RMDN1: variants seen among roughly 807,000 people sequenced by gnomAD.
RMDN1 encodes the protein regulator of microtubule dynamics 1, also known as regulator of microtubule dynamics protein 1.
In RMDN1, 48 loss-of-function variants were observed where a neutral mutation model predicts 48.9. The observed-to-expected ratio is 0.98, with a 90% CI of 0.78 to 1.25. The LOEUF is 1.25. Among genes scored for constraint, RMDN1 ranks in the 50% most tolerant of loss-of-function variants. RMDN1 has a pLI of 0.00. For missense variants in RMDN1, 418 were observed against 373.4 expected, an observed-to-expected ratio of 1.12 and a Z score of -0.98; for synonymous variants, 148 against 132.6, an observed-to-expected ratio of 1.12 and a Z score of -0.80.
At chr8:86,474,467 G>C (rs1813025046) in intron 9 of RMDN1, 109 bp from the exon 10 acceptor site, 1 of 877,424 alleles carries the variant, frequency 1.1e-6, no homozygotes. Context: ...AACCAGATAG[G>C]ACATTATAAC....
downstream of RMDN1, chr8:86,472,206 A>G: frequency 1.7e-6 from 1 of 584,482 alleles, no homozygotes; most frequent in Non-Finnish European, 3.0e-6. Flanking sequence ...ACACACATGT[A>G]TAAATACAGG....
chr8:86,469,911 C>T (rs1162116920), downstream of RMDN1, among the ~76,000 whole-genome samples: 1 of 152,120 alleles, frequency 6.6e-6, no homozygotes, highest in South Asian at 2.1e-4. Flanking sequence ...TTCTCTTGAT[C>T]CTTACAATTC....
intron 5 of RMDN1, chr8:86,483,050 G>A (rs1271396109): frequency 4.7e-5 from 24 of 506,436 alleles, no homozygotes; most frequent in Non-Finnish European, 7.4e-5. Context: ...TATGAGAAGG[G>A]TTGAGAGGGG....
chr8:86,514,260 T>G, exon 1 of RMDN1: 1 of 985,278 alleles, frequency 1.0e-6, no homozygotes, highest in African/African-American at 1.7e-5. Flanking sequence ...CAGTTTTGCC[T>G]TTTCAGTAAG....
upstream of RMDN1, among the ~76,000 whole-genome samples, chr8:86,509,613 T>C (rs1819934577): frequency 6.6e-6 from 1 of 152,208 alleles, no homozygotes; most frequent in Non-Finnish European, 1.5e-5. Context: ...CATAGTCGTA[T>C]TGATCTTCCG....
chr8:86,498,343 G>A (rs917453630), intron 2 of RMDN1, among the ~76,000 whole-genome samples: 8 of 151,770 alleles, frequency 5.3e-5, no homozygotes, highest in African/African-American at 9.7e-5. Context: ...AGTAAGGGCT[G>A]GTACCAATCC....
chr8:86,468,313 C>A (rs1290775102), downstream of RMDN1: 4 of 428,588 alleles, frequency 9.3e-6, no homozygotes, highest in Non-Finnish European at 4.5e-6. Context: ...AGAGTGTGTT[C>A]TCCATTTTAT....
chr8:86,504,492 G>A, intron 2 of RMDN1: 2 of 1,534,248 alleles, frequency 1.3e-6, no homozygotes, highest in South Asian at 1.1e-5. Flanking sequence ...GTGTTCAAGA[G>A]CCCATCTATG....
chr8:86,498,901 G>T (rs372207018), intron 2 of RMDN1, among the ~76,000 whole-genome samples: 3 of 152,246 alleles, frequency 2.0e-5, no homozygotes, highest in Non-Finnish European at 4.4e-5. Context: ...GAGATGCAAG[G>T]TTGGTTCAAC....
intron 2 of RMDN1, chr8:86,503,683 G>T (rs7841373): frequency 6.4e-6 from 3 of 472,234 alleles, no homozygotes; most frequent in Non-Finnish European, 1.3e-5. Context: ...CTCCTGAGAT[G>T]ATCATAAAGG....
intron 6 of RMDN1, 84 bp downstream of exon 6, chr8:86,480,191 CTT>C: frequency 1.5e-6 from 1 of 654,514 alleles, no homozygotes; most frequent in South Asian, 2.4e-5. Context: ...TATTTAATAT[CTT>C]TTATATATGC....
At chr8:86,503,793 T>C in intron 2 of RMDN1, 1 of 514,316 alleles carries the variant, frequency 1.9e-6, no homozygotes, top group South Asian at 1.7e-5. Flanking sequence ...TTCTCCATTG[T>C]TGGTATGACT....
In RMDN1 at chr8:86,486,724, T is replaced by G. The variant is rs1230486567; in HGVS notation, c.336-81A>C. The stretch of plus-strand genomic sequence containing the variant: ...AGGGTTACATTACTAATGAATACAT[T>G]ATGGTCTTTCAGCTTAGGAAGCTAG... On this transcript the variant is annotated intron_variant, in intron 3 of 9. Coordinates refer to ENST00000406452, the MANE Select transcript of RMDN1 (RefSeq NM_016033.3). The G allele has an allele frequency of 1.1e-5, 12 of 1,067,328 alleles. No homozygotes were observed. The East Asian group carries it at 2.9e-4, about 26-fold the overall frequency. The allele number at this position is 1,067,328 out of a possible 1,614,324, so 66.1% of individuals were successfully genotyped here.
chr8:86,507,157 A>G (rs563658425), intron 1 of RMDN1, 45 bp from the exon 2 acceptor site: 11 of 1,226,792 alleles, frequency 9.0e-6, no homozygotes, highest in Admixed American at 8.7e-5. Flanking sequence ...TGAAAATTTG[A>G]AGGTACTGCT....
chr8:86,481,124 A>G (rs1012204430), intron 5 of RMDN1, among the ~76,000 whole-genome samples: 2 of 152,132 alleles, frequency 1.3e-5, no homozygotes, highest in African/African-American at 4.8e-5. Flanking sequence ...ATAAACCCAC[A>G]CTTTTGCTTT....
chr8:86,508,576 A>T lies in RMDN1; in HGVS notation c.45T>A (p.Arg15=), dbSNP rs1302102488. 4 of 1,603,670 alleles carry T rather than the reference A, an allele frequency of 2.5e-6. No individual in the cohort carries two copies. Among genetic ancestry groups the T allele is most frequent in the East Asian group, 2.2e-5 (1 of 44,540 alleles). ...ARLWRLLPFR[R]GAAPGSRLPA... ...GGAGACGAGACCCCGGGGCGGCTCCACGTCGGAAAGGCAGAAGGCGCCACA... is the reference window on the plus strand; with the variant it reads ...GGAGACGAGACCCCGGGGCGGCTCCTCGTCGGAAAGGCAGAAGGCGCCACA... The change falls in exon 1 of 10, where the codon CGT becomes CGA. Residue 15 remains arginine, a synonymous_variant. Transcript: ENST00000406452.
At chr8:86,488,036 A>T (rs1308420454) in intron 3 of RMDN1, among the ~76,000 whole-genome samples, 2 of 152,296 alleles carry the variant, frequency 1.3e-5, no homozygotes, top group East Asian at 3.9e-4. Flanking sequence ...CCTCCCAAAA[A>T]TGAGTACACA....
Position 86,473,501 on chromosome 8 carries a change from C to G in RMDN1, c.*807G>C, listed in dbSNP as rs1331588312. ...AGTAAACTGGCCAGGTGCGGTGGCT[C>G]ACGCCTGTAATCCCAGCAATTTGGG... is the stretch of plus-strand genomic sequence containing the variant. On this transcript the variant is annotated 3_prime_UTR_variant, in exon 10 of 10. Transcript: ENST00000406452. 2.0e-6 allele frequency: 2 copies of G among 983,500 alleles called. No individual in the cohort carries two copies. The highest frequency in any genetic ancestry group is 1.2e-4 in the Admixed American group (2 of 16,284). The allele number at this position is 983,500 out of a possible 1,614,324, so 60.9% of individuals were successfully genotyped here.
Position 86,494,385 on chromosome 8 carries a change from G to A in RMDN1, c.248-5746C>T, listed in dbSNP as rs183359562. ...AGCCTGGCCAACATGGCAAAACCCC[G>A]TCTCTACCAAAAATACAAAAATTAG... On this transcript the variant is annotated intron_variant, in intron 2 of 9. Coordinates refer to ENST00000406452, the MANE Select transcript of RMDN1 (RefSeq NM_016033.3). 9.1e-3 allele frequency among the ~76,000 whole-genome samples: 1,379 copies of A among 151,934 alleles called. 14 individuals carry two copies. The highest frequency in any genetic ancestry group is 0.015 in the Non-Finnish European group (1,053 of 67,944).
Sources: allele counts gnomAD v4.1 joint callset (sites outside exome capture counted in the v4.1 genomes callset), GRCh38; gene constraint gnomAD v4.1.1; transcripts MANE v1.5; gene names NCBI Gene and HGNC (gene_info 2026-07-23, HGNC 2026-07-21).